The following STON2 variants were observed in gnomAD, a reference collection of about 807,000 sequenced individuals.
STON2 encodes stonin-2.
Under a neutral mutation model 65.7 loss-of-function variants are expected in STON2, and 29 were observed. The observed-to-expected ratio is 0.44, with a 90% CI of 0.33 to 0.60. STON2 has a LOEUF of 0.60. STON2 is among the 20% of genes least tolerant of loss of function. The pLI, the probability that STON2 is intolerant of heterozygous loss-of-function variation, is 0.03. For synonymous variants in STON2, 404 were observed against 414.2 expected (o/e 0.98, Z 0.30); for missense variants, 1,054 against 1,118.1 (o/e 0.94, Z 0.82).
chr14:81,325,914 C>A (rs1158506747), intron 4 of STON2, among the ~76,000 whole-genome samples: 1 of 151,894 alleles, frequency 6.6e-6, no homozygotes, highest in African/African-American at 2.4e-5. Context: ...TGAATAGATA[C>A]TACACGTTTT....
rs536483720 is a variant in STON2 at position 81,363,120 on chromosome 14, G to A, written c.571+7868C>T. On this transcript the variant is annotated intron_variant, in intron 4 of 7. Transcript: ENST00000614646. ...TGAGCCCAGGAAAGAGACTTGGGTTGAATCCCAACTACCCTTTTTATTTGT... is the reference window on the plus strand; with the variant it reads ...TGAGCCCAGGAAAGAGACTTGGGTTAAATCCCAACTACCCTTTTTATTTGT... Among the ~76,000 whole-genome samples the A allele has an allele frequency of 7.9e-5, 12 of 152,310 alleles. No individual in the cohort carries two copies. In the South Asian group the frequency reaches 2.3e-3, roughly 29 times the overall value.
At chr14:81,432,467 C>G (rs1902262245) in intron 1 of STON2, among the ~76,000 whole-genome samples, 1 of 152,204 alleles carries the variant, frequency 6.6e-6, no homozygotes, top group African/African-American at 2.4e-5. Flanking sequence ...TCAAGTAAAG[C>G]AAGCAATTTC....
chr14:81,311,767 C>A (rs375878526), intron 5 of STON2, among the ~76,000 whole-genome samples: 4 of 152,178 alleles, frequency 2.6e-5, no homozygotes. Context: ...CCCTAGAAAA[C>A]AAAGAGAATG....
At chr14:81,272,557 A>G (rs1402446926) in intron 6 of STON2, among the ~76,000 whole-genome samples, 1 of 152,244 alleles carries the variant, frequency 6.6e-6, no homozygotes, top group Admixed American at 6.5e-5. Flanking sequence ...GGAAAACATT[A>G]GATAGTGAAG....
In STON2 at chr14:81,265,647, G is replaced by GTAATAACAATAATAA. The variant is rs1894327410; in HGVS notation, c.*2766_*2767insTTATTATTGTTATTA. The GTAATAACAATAATAA allele has an allele frequency of 5.6e-6, 2 of 357,336 alleles. No homozygotes were observed. Among genetic ancestry groups the GTAATAACAATAATAA allele is most frequent in the African/African-American group, 4.4e-5 (2 of 45,414 alleles). The allele number at this position is 357,336 out of a possible 1,614,324, so 22.1% of individuals were successfully genotyped here. ...GCGACAAGAGCGAAACTTTGTCTCA[G>GTAATAACAATAATAA]TAATAATAATAATAATAATAATAAT... On this transcript the variant is annotated 3_prime_UTR_variant, in exon 8 of 8. Transcript: ENST00000614646.
intron 4 of STON2, among the ~76,000 whole-genome samples, chr14:81,332,114 G>A (rs569414359): frequency 9.1e-4 from 139 of 152,276 alleles, no homozygotes; most frequent in African/African-American, 3.2e-3. Flanking sequence ...AAGTTCCTCA[G>A]CATCATGGCT....
At chr14:81,299,831 G>A (rs1445177919) in intron 5 of STON2, among the ~76,000 whole-genome samples, 1 of 151,548 alleles carries the variant, frequency 6.6e-6, no homozygotes, top group African/African-American at 2.4e-5. Context: ...AATAAATGGA[G>A]AGATTTCATG....
chr14:81,317,007 G>A (rs1896649843), intron 5 of STON2, among the ~76,000 whole-genome samples: 1 of 152,136 alleles, frequency 6.6e-6, no homozygotes, highest in Admixed American at 6.5e-5. Flanking sequence ...GTGATAGAGT[G>A]AGACTCTGTC....
chr14:81,399,296 C>A (rs182671399), intron 1 of STON2, among the ~76,000 whole-genome samples: 120 of 152,272 alleles, frequency 7.9e-4, no homozygotes, highest in Non-Finnish European at 1.3e-3. Context: ...TATCTTTTTA[C>A]AACCTGAACC....
intron 5 of STON2, among the ~76,000 whole-genome samples, chr14:81,292,552 G>T: frequency 6.6e-6 from 1 of 152,116 alleles, no homozygotes; most frequent in East Asian, 1.9e-4. Flanking sequence ...AAGGGGTTTT[G>T]CCCACTTTGC....
intron 2 of STON2, among the ~76,000 whole-genome samples, chr14:81,397,364 C>CACA (rs775366811): frequency 1.3e-5 from 2 of 152,112 alleles, no homozygotes; most frequent in Non-Finnish European, 2.9e-5. Context: ...TTTAATAATA[C>CACA]ACATTTCAAC....
intron 2 of STON2, among the ~76,000 whole-genome samples, chr14:81,417,479 A>G (rs1901493586): frequency 6.6e-6 from 1 of 152,242 alleles, no homozygotes; most frequent in Admixed American, 6.5e-5. Flanking sequence ...GTGATAGGAA[A>G]TAACAATTAA....
At chr14:81,329,746 T>C (rs933772849) in intron 4 of STON2, among the ~76,000 whole-genome samples, 3 of 152,086 alleles carry the variant, frequency 2.0e-5, no homozygotes, top group Admixed American at 6.5e-5. Flanking sequence ...AGCCTACCTA[T>C]GGCTTAAACC....
intron 5 of STON2, among the ~76,000 whole-genome samples, chr14:81,310,360 G>T (rs142033968): frequency 2.8e-4 from 42 of 152,250 alleles, no homozygotes; most frequent in African/African-American, 9.4e-4. Context: ...GCACAGAACA[G>T]TAACTGTGAA....
intron 4 of STON2, among the ~76,000 whole-genome samples, chr14:81,343,999 G>A (rs1221103916): frequency 4.6e-5 from 7 of 152,060 alleles, no homozygotes; most frequent in East Asian, 1.9e-4. Flanking sequence ...TAAAGAATAC[G>A]GAACTAGCAT....
chr14:81,290,058 G>A (rs1363411517), intron 5 of STON2, among the ~76,000 whole-genome samples: 1 of 152,140 alleles, frequency 6.6e-6, no homozygotes, highest in Non-Finnish European at 1.5e-5. Context: ...CAGCACTAAA[G>A]TCCTACAGAT....
chr14:81,428,716 C>G (rs1267318950), intron 1 of STON2, among the ~76,000 whole-genome samples: 1 of 152,088 alleles, frequency 6.6e-6, no homozygotes, highest in African/African-American at 2.4e-5. Context: ...CAATGATACT[C>G]TGTCTCAAAA....
chr14:81,333,284 G>A (rs905133698), intron 4 of STON2: 18 of 688,846 alleles, frequency 2.6e-5, no homozygotes, highest in Non-Finnish European at 4.3e-5. Context: ...GGTGAAGGAC[G>A]TCAATGACCA....
chr14:81,320,750 G>T (rs900538006), intron 5 of STON2, among the ~76,000 whole-genome samples: 4 of 152,070 alleles, frequency 2.6e-5, no homozygotes, highest in African/African-American at 9.7e-5. Context: ...TTCAGGACAG[G>T]TCTCTGCGAT....
Sources: allele counts gnomAD v4.1 joint callset (sites outside exome capture counted in the v4.1 genomes callset), GRCh38; gene constraint gnomAD v4.1.1; transcripts MANE v1.5; gene names NCBI Gene and HGNC (gene_info 2026-07-23, HGNC 2026-07-21).